HDGFL3: variants seen among roughly 807,000 people sequenced by gnomAD.
HDGFL3 encodes the protein hepatoma-derived growth factor-related protein 3.
Under a neutral mutation model 27.6 loss-of-function variants are expected in HDGFL3, and 6 were observed. That is an observed-to-expected ratio of 0.22 (90% CI 0.12 to 0.43). HDGFL3 has a LOEUF of 0.43. HDGFL3 is among the 20% of genes least tolerant of loss of function. The pLI is 1.00. For synonymous variants in HDGFL3, 88 were observed against 88.9 expected (o/e 0.99, Z 0.05); for missense variants, 207 against 250.1 (o/e 0.83, Z 1.16).
At chr15:83,127,405 G>A (rs776153603), downstream of HDGFL3, 3 of 1,613,850 alleles carry the variant, frequency 1.9e-6, no homozygotes, top group African/African-American at 2.7e-5. Flanking sequence ...TGACTGCACT[G>A]TATGGCTTAG....
chr15:83,166,852 G>C (rs1474910507), intron 1 of HDGFL3, among the ~76,000 whole-genome samples: 1 of 152,172 alleles, frequency 6.6e-6, no homozygotes, highest in East Asian at 1.9e-4. Context: ...ACTATCACAA[G>C]AACAGCAAAG....
intron 1 of HDGFL3, among the ~76,000 whole-genome samples, chr15:83,172,822 CAA>C (rs767796165): frequency 5.3e-4 from 35 of 66,624 alleles, no homozygotes; most frequent in Admixed American, 5.3e-4. Context: ...GACTCCAGCT[CAA>C]AAAAAAAAAA....
At chr15:83,201,858 T>C (rs1038323786) in intron 1 of HDGFL3, among the ~76,000 whole-genome samples, 2 of 152,112 alleles carry the variant, frequency 1.3e-5, no homozygotes, top group African/African-American at 2.4e-5. Flanking sequence ...ATGAGACAAT[T>C]TGCCAAATCC....
rs2036645866 is a variant in HDGFL3 at position 83,136,841 on chromosome 15, G to A, written c.*2429C>T. ...TGGTATTGTGTAAATTTTTTTTGAA[G>A]GAAAATGGAAATTCTTGAGAAACAG... is the stretch of plus-strand genomic sequence containing the variant. On this transcript the variant is annotated 3_prime_UTR_variant, in exon 6 of 6. Coordinates refer to ENST00000299633, the MANE Select transcript of HDGFL3 (RefSeq NM_016073.4). 12 of 436,254 alleles carry A rather than the reference G, an allele frequency of 2.8e-5. No homozygotes were observed. In the South Asian group the frequency reaches 2.8e-4, roughly 10 times the overall value. The allele number at this position is 436,254 out of a possible 1,614,324, so 27.0% of individuals were successfully genotyped here.
chr15:83,145,554 T>C (rs1322046701), intron 5 of HDGFL3, among the ~76,000 whole-genome samples: 3 of 152,062 alleles, frequency 2.0e-5, no homozygotes, highest in African/African-American at 7.2e-5. Context: ...CCCTACTATT[T>C]ATAAGCTATT....
intron 1 of HDGFL3, among the ~76,000 whole-genome samples, chr15:83,174,079 A>C (rs909195177): frequency 1.3e-5 from 2 of 152,196 alleles, no homozygotes; most frequent in African/African-American, 4.8e-5. Context: ...AAATTGTGAT[A>C]CTGAAGGTAT....
intron 1 of HDGFL3, among the ~76,000 whole-genome samples, chr15:83,166,220 G>C (rs1436889046): frequency 6.6e-6 from 1 of 152,184 alleles, no homozygotes; most frequent in African/African-American, 2.4e-5. Context: ...GGCAGATTAT[G>C]TAAAAAGGGA....
rs748880564 is a variant in HDGFL3 at position 83,136,613 on chromosome 15, C to T, written c.*2657G>A. ...AGTTCTTCCTCAGCTCTTGGCCTAT[C>T]GTTGTATCTACAAACCAGAGTTCTT... On this transcript the variant is annotated 3_prime_UTR_variant, in exon 6 of 6. Coordinates refer to ENST00000299633, the MANE Select transcript of HDGFL3 (RefSeq NM_016073.4). 6.8e-6 allele frequency: 11 copies of T among 1,612,262 alleles called. No individual in the cohort carries two copies. The highest frequency in any genetic ancestry group is 4.4e-5 in the South Asian group (4 of 90,538).
Position 83,151,266 on chromosome 15 carries a change from C to T in HDGFL3, c.555G>A (p.Ala185=), listed in dbSNP as rs142042769. The T allele has an allele frequency of 3.4e-5, 55 of 1,613,232 alleles. No homozygotes were observed. The highest frequency in any genetic ancestry group is 3.2e-4 in the South Asian group (29 of 91,002). Reference sequence around the variant, plus strand: ...AAGTTGTGTTTCTTGTGTCGTTGCCCGCATCTCCACCCTCAGAGCTGCTTT... The same window carrying T: ...AAGTTGTGTTTCTTGTGTCGTTGCCTGCATCTCCACCCTCAGAGCTGCTTT... ...ENKSSSEGGD[A]GNDTRNTTSD... is the part of the protein sequence containing the mutation. Residue 185 remains alanine (A), a synonymous_variant, in exon 5 of 6, where the codon GCG becomes GCA. Coordinates refer to ENST00000299633, the MANE Select transcript of HDGFL3 (RefSeq NM_016073.4).
At chr15:83,121,197 A>C (rs565541203) in intron 3 of HDGFL3, among the ~76,000 whole-genome samples, 41 of 151,490 alleles carry the variant, frequency 2.7e-4, no homozygotes, top group Non-Finnish European at 4.9e-4. Flanking sequence ...CAGCCTCCCA[A>C]GTAGCTGGAA....
At chr15:83,189,143 A>T (rs1394945666) in intron 1 of HDGFL3, among the ~76,000 whole-genome samples, 4 of 151,850 alleles carry the variant, frequency 2.6e-5, no homozygotes. Flanking sequence ...TATCATCCAA[A>T]CTTCTATGAA....
Position 83,136,771 on chromosome 15 carries a change from T to C in HDGFL3, c.*2499A>G, listed in dbSNP as rs2036641657. The C allele has an allele frequency of 1.0e-6, 1 of 986,636 alleles. No individual in the cohort carries two copies. The highest frequency in any genetic ancestry group is 1.5e-6 in the Non-Finnish European group (1 of 667,832). 61.1% of individuals were successfully genotyped at this position (986,636 alleles called of 1,614,324 possible). ...CACTCTCTTCTCATACGTGAGTACT[T>C]AAGAATATGTACATTCTTGCTCTGC... On this transcript the variant is annotated 3_prime_UTR_variant, in exon 6 of 6. Transcript: ENST00000299633.
chr15:83,206,908 G>A (rs1000851339), intron 1 of HDGFL3, among the ~76,000 whole-genome samples: 17 of 152,130 alleles, frequency 1.1e-4, no homozygotes, highest in Non-Finnish European at 1.6e-4. Context: ...GCCGGCACTC[G>A]CCGGCTCGCG....
chr15:83,167,399 T>C (rs561367381), intron 1 of HDGFL3, among the ~76,000 whole-genome samples: 3 of 151,710 alleles, frequency 2.0e-5, no homozygotes, highest in African/African-American at 7.3e-5. Flanking sequence ...CTACTAAAAA[T>C]CCAAAAAAAT....
At chr15:83,162,850 T>C (rs2037117924) in intron 2 of HDGFL3, among the ~76,000 whole-genome samples, 1 of 152,232 alleles carries the variant, frequency 6.6e-6, no homozygotes, top group Non-Finnish European at 1.5e-5. Flanking sequence ...TGACAGTTTT[T>C]AGCTTTTCTC....
Position 83,130,448 on chromosome 15 carries a change from G to T in HDGFL3, c.*8822C>A, listed in dbSNP as rs1196894208. On this transcript the variant is annotated 3_prime_UTR_variant, in exon 6 of 6. Transcript: ENST00000299633. ...GGCATCCTGGGGCTTATCCATCACT[G>T]CCCAGTTGATAAGGCAGCCTGAAGC... is the stretch of plus-strand genomic sequence containing the variant. 1 of 152,288 alleles carries T rather than the reference G, an allele frequency of 6.6e-6. No individual in the cohort carries two copies. Among genetic ancestry groups the T allele is most frequent in the African/African-American group, 2.4e-5 (1 of 41,446 alleles). The allele number at this position is 152,288 out of a possible 1,614,324, so 9.4% of individuals were successfully genotyped here.
chr15:83,151,267 G>C lies in HDGFL3; in HGVS notation c.554C>G (p.Ala185Gly), dbSNP rs1446324632. 3.7e-6 allele frequency: 6 copies of C among 1,613,130 alleles called. No homozygotes were observed. The highest frequency in any genetic ancestry group is 5.1e-6 in the Non-Finnish European group (6 of 1,179,686). The change falls in exon 5 of 6, where the codon GCG (alanine) becomes GGG (glycine). Residue 185 changes from alanine to glycine, a missense_variant. Transcript: ENST00000299633. ...ENKSSSEGGDAGNDTRNTTSD... is the reference protein window; with the variant it reads ...ENKSSSEGGDGGNDTRNTTSD... ...AGTTGTGTTTCTTGTGTCGTTGCCC[G>C]CATCTCCACCCTCAGAGCTGCTTTT...
chr15:83,178,667 A>G (rs1209412819), intron 1 of HDGFL3, among the ~76,000 whole-genome samples: 1 of 152,124 alleles, frequency 6.6e-6, no homozygotes, highest in East Asian at 1.9e-4. Context: ...AAAAATAAAG[A>G]AGAAAAAAAA....
At chr15:83,206,804 A>G (rs1414694808) in intron 1 of HDGFL3, among the ~76,000 whole-genome samples, 1 of 152,208 alleles carries the variant, frequency 6.6e-6, no homozygotes, top group Non-Finnish European at 1.5e-5. Context: ...GGAAAACTCA[A>G]CAAGTCTAGA....
Sources: allele counts gnomAD v4.1 joint callset (sites outside exome capture counted in the v4.1 genomes callset), GRCh38; gene constraint gnomAD v4.1.1; transcripts MANE v1.5; gene names NCBI Gene and HGNC (gene_info 2026-07-23, HGNC 2026-07-21).